CAMTA1: variants seen among roughly 807,000 people sequenced by gnomAD.
CAMTA1 encodes the protein calmodulin-binding transcription activator 1.
CAMTA1 carries 27 observed loss-of-function variants against 170.9 expected under a neutral mutation model. The ratio of observed to expected loss-of-function variants is 0.16; its 90% CI spans 0.12 to 0.22. The LOEUF is 0.22. Among genes scored for constraint, CAMTA1 ranks in the 10% least tolerant of loss-of-function variants. The probability of loss-of-function intolerance (pLI) is 1.00; values close to 1 mark genes in which losing one functional copy is unlikely to be tolerated. For synonymous variants in CAMTA1, 833 were observed against 891.5 expected, an observed-to-expected ratio of 0.93 and a Z score of 1.17; for missense variants, 1,619 against 2,217.2, an observed-to-expected ratio of 0.73 and a Z score of 5.42.
At chr1:7,070,024 G>T (rs4908597) in intron 3 of CAMTA1, among the ~76,000 whole-genome samples, 38,843 of 152,118 alleles carry the variant, frequency 0.26, 5,289 homozygotes, top group South Asian at 0.35. Flanking sequence ...TCCTCCGCTG[G>T]GGATGTGCGG....
rs576349312 is a variant in CAMTA1 at position 7,737,369 on chromosome 1, T to G, written c.3457T>G (p.Ser1153Ala). 1.2e-6 allele frequency: 2 copies of G among 1,614,228 alleles called. No homozygotes were observed. The highest frequency in any genetic ancestry group is 1.7e-6 in the Non-Finnish European group (2 of 1,180,040). The change falls in exon 15 of 23, where the codon TCA (serine) becomes GCA (alanine). Residue 1153 changes from serine to alanine, a missense_variant. This residue lies in a region of CAMTA1 where 60 missense variants were observed against 128.5 expected (regional missense o/e 0.47). Coordinates refer to ENST00000303635, the MANE Select transcript of CAMTA1 (RefSeq NM_015215.4). ...AAGGCTGCCTTTGGGAATTGCCAGG[T>G]CACGGGGTCATGTGAAATTAGCAGA... Reference protein sequence around the residue: ...LGRLPLGIARSRGHVKLAECL... With the variant: ...LGRLPLGIARARGHVKLAECL...
At chr1:6,945,994 CAT>C (rs1434810006) in intron 3 of CAMTA1, among the ~76,000 whole-genome samples, 4 of 152,100 alleles carry the variant, frequency 2.6e-5, no homozygotes, top group Non-Finnish European at 5.9e-5. Flanking sequence ...TGTGGGGACA[CAT>C]GTTTTCAGTT....
intron 5 of CAMTA1, among the ~76,000 whole-genome samples, chr1:7,458,552 G>T (rs1037690147): frequency 2.6e-5 from 4 of 152,286 alleles, no homozygotes; most frequent in Admixed American, 2.0e-4. Context: ...AATGAATTTT[G>T]GGGAGCCTTC....
Position 7,379,526 on chromosome 1 carries a change from G to A in CAMTA1, c.439-88304G>A, listed in dbSNP as rs565276511. Reference sequence around the variant, plus strand: ...AGCCGGGAAAAAACACCAGCGTCTCGTATTTCAAACCGCTGGCAGAAAAGG... The same window carrying A: ...AGCCGGGAAAAAACACCAGCGTCTCATATTTCAAACCGCTGGCAGAAAAGG... On this transcript the variant is annotated intron_variant, in intron 5 of 22. Transcript: ENST00000303635. Among the ~76,000 whole-genome samples, 12 of 152,322 alleles carry A rather than the reference G, an allele frequency of 7.9e-5. 2 individuals carry two copies. The highest frequency in any genetic ancestry group is 2.4e-4 in the African/African-American group (10 of 41,564).
At chr1:7,567,843 C>A (rs1204605298) in intron 6 of CAMTA1, among the ~76,000 whole-genome samples, 3 of 152,188 alleles carry the variant, frequency 2.0e-5, no homozygotes, top group African/African-American at 7.2e-5. Flanking sequence ...ACTCCGGTCC[C>A]AAACAAACTG....
chr1:7,463,744 G>A lies in CAMTA1; in HGVS notation c.439-4086G>A. Among the ~76,000 whole-genome samples, 1 of 152,118 alleles carries A rather than the reference G, an allele frequency of 6.6e-6. No homozygotes were observed. Among genetic ancestry groups the A allele is most frequent in the East Asian group, 1.9e-4 (1 of 5,168 alleles). ...CGTAGAGAGCTGGCCGGGAAGGGAG[G>A]TGCCCACAACATACCAACCTATAAG... On this transcript the variant is annotated intron_variant, in intron 5 of 22. Transcript: ENST00000303635. The surrounding 1 kb of genome is among the most constrained non-coding windows in gnomAD (Gnocchi z 4.7).
At chr1:6,909,764 A>G (rs1012522053) in intron 3 of CAMTA1, among the ~76,000 whole-genome samples, 8 of 152,254 alleles carry the variant, frequency 5.3e-5, no homozygotes, top group Non-Finnish European at 1.2e-4. Context: ...GCCAGATACA[A>G]TTAATCTGTG....
rs1242415053 is a variant in CAMTA1, at chr1:6,926,427, TTCTTTCTTTTC to T, written c.234+101227_234+101237del. Among the ~76,000 whole-genome samples the T allele has an allele frequency of 5.4e-3, 785 of 145,044 alleles. 3 individuals are homozygous for T. The highest frequency in any genetic ancestry group is 6.3e-3 in the African/African-American group (243 of 38,436). On this transcript the variant is annotated intron_variant, in intron 3 of 22. Transcript: ENST00000303635. ...CCCTCCTCTCTCTTTTCTTTTCTCT[TTCTTTCTTTTC>T]TCTTTCTTTCTTTCTTTCTTTCTTT...
chr1:7,545,407 T>C lies in CAMTA1; in HGVS notation c.510+77506T>C, dbSNP rs977391307. On this transcript the variant is annotated intron_variant, in intron 6 of 22. Transcript: ENST00000303635. ...TCAACTAATCCTGTCTTCAATGACATTTTACCGATTGTTCCAATGATGTCA... is the reference window on the plus strand; with the variant it reads ...TCAACTAATCCTGTCTTCAATGACACTTTACCGATTGTTCCAATGATGTCA... Among the ~76,000 whole-genome samples the C allele has an allele frequency of 3.9e-5, 6 of 152,336 alleles. No individual in the cohort carries two copies. The East Asian group carries it at 9.6e-4, about 24-fold the overall frequency.
At chr1:7,327,221 G>A (rs915317458) in intron 5 of CAMTA1, among the ~76,000 whole-genome samples, 3 of 151,882 alleles carry the variant, frequency 2.0e-5, no homozygotes, top group Admixed American at 1.3e-4. Context: ...TCGAGACCAC[G>A]GTGAAACCCT....
At chr1:7,311,289 G>A (rs1156356620) in intron 5 of CAMTA1, among the ~76,000 whole-genome samples, 1 of 152,142 alleles carries the variant, frequency 6.6e-6, no homozygotes, top group African/African-American at 2.4e-5. Context: ...CCTAGGCTCT[G>A]CTCATTTTTT....
chr1:6,870,879 T>A (rs1346699202), intron 3 of CAMTA1, among the ~76,000 whole-genome samples: 1 of 152,252 alleles, frequency 6.6e-6, no homozygotes, highest in African/African-American at 2.4e-5. Flanking sequence ...TGTGTTATGA[T>A]ACTGTTCATT....
rs560032494 is a variant in CAMTA1 at position 7,601,270 on chromosome 1, G to A, written c.511-39130G>A. On this transcript the variant is annotated intron_variant, in intron 6 of 22. Coordinates refer to ENST00000303635, the MANE Select transcript of CAMTA1 (RefSeq NM_015215.4). ...GGGCTCCTCACTTCTCAGACGGGGC[G>A]GTTGCCAGGCAGAGGGTCTCCTCAC... Among the ~76,000 whole-genome samples the A allele has an allele frequency of 5.2e-3, 792 of 151,864 alleles. 8 individuals are homozygous for A. The highest frequency in any genetic ancestry group is 0.018 in the African/African-American group (753 of 41,396).
At chr1:7,396,390 A>C (rs139813106) in intron 5 of CAMTA1, among the ~76,000 whole-genome samples, 1 of 152,314 alleles carries the variant, frequency 6.6e-6, no homozygotes, top group East Asian at 1.9e-4. Context: ...TCTTTTCTTT[A>C]CAAGTTACCT....
chr1:7,694,454 A>C (rs2096352974), intron 11 of CAMTA1: 1 of 152,282 alleles, frequency 6.6e-6, no homozygotes, highest in African/African-American at 2.4e-5. Context: ...GACAAATTCC[A>C]GGAGCCTTTG....
rs187744172 is a variant in CAMTA1 at position 6,925,434 on chromosome 1, C to G, written c.234+100224C>G. On this transcript the variant is annotated intron_variant, in intron 3 of 22. Transcript: ENST00000303635. ...GAGGGGGAAAGGCTTGGGGGTCCTA[C>G]ATTTTAGGCCCACTCTGGTGGATTT... is the stretch of plus-strand genomic sequence containing the variant. Among the ~76,000 whole-genome samples, 52 of 152,360 alleles carry G rather than the reference C, an allele frequency of 3.4e-4. 1 individual carries two copies. In the East Asian group the frequency reaches 9.3e-3, roughly 27 times the overall value.
At chr1:7,666,628 C>A (rs780106854) in intron 9 of CAMTA1, among the ~76,000 whole-genome samples, 6 of 152,258 alleles carry the variant, frequency 3.9e-5, no homozygotes, top group African/African-American at 1.4e-4. Flanking sequence ...GGGACCAGCA[C>A]ATGCACCACG....
rs1452345574 is a variant in CAMTA1 at position 6,967,353 on chromosome 1, G to A, written c.235-123951G>A. 6.6e-5 allele frequency among the ~76,000 whole-genome samples: 10 copies of A among 151,880 alleles called. No individual in the cohort carries two copies. In the East Asian group the frequency reaches 1.6e-3, roughly 24 times the overall value. On this transcript the variant is annotated intron_variant, in intron 3 of 22. Coordinates refer to ENST00000303635, the MANE Select transcript of CAMTA1 (RefSeq NM_015215.4). ...CATAGGGGGTTGATGAAGGGAGTGA[G>A]ATGGGGTGGGGTGGGGGGTGGAACT...
At chr1:7,705,565 C>T (rs1213614356) in intron 11 of CAMTA1, among the ~76,000 whole-genome samples, 1 of 151,004 alleles carries the variant, frequency 6.6e-6, no homozygotes, top group African/African-American at 2.4e-5. Flanking sequence ...CCCGGCCCGG[C>T]CGGCGGCGAG....
Sources: allele counts gnomAD v4.1 joint callset (sites outside exome capture counted in the v4.1 genomes callset), GRCh38; gene constraint gnomAD v4.1.1; regional missense constraint gnomAD v4.1.1; non-coding constraint Gnocchi (gnomAD v3.1); transcripts MANE v1.5; gene names NCBI Gene and HGNC (gene_info 2026-07-23, HGNC 2026-07-21).